The following RBFOX1 variants were observed in gnomAD, a reference collection of about 807,000 sequenced individuals.
The protein encoded by RBFOX1 is RNA binding protein fox-1 homolog 1.
Under a neutral mutation model 57.7 loss-of-function variants are expected in RBFOX1, and 8 were observed. The ratio of observed to expected loss-of-function variants is 0.14; its 90% CI spans 0.08 to 0.25. The LOEUF is 0.25. Ranked by LOEUF, RBFOX1 falls within the 10% of genes least tolerant of loss-of-function variation. The pLI, the probability that RBFOX1 is intolerant of heterozygous loss-of-function variation, is 1.00. For missense variants in RBFOX1, 611 were observed against 548.5 expected (o/e 1.11, Z -1.14); for synonymous variants, 326 against 222.4 (o/e 1.47, Z -4.15).
At chr16:6,904,087 G>A (rs980317591) in intron 3 of RBFOX1, among the ~76,000 whole-genome samples, 8 of 152,132 alleles carry the variant, frequency 5.3e-5, no homozygotes, top group Admixed American at 1.3e-4. Context: ...ACAGCAAGTC[G>A]GATGCTCTTA....
At chr16:7,069,707 T>C (rs2056923975) in intron 4 of RBFOX1, among the ~76,000 whole-genome samples, 1 of 152,110 alleles carries the variant, frequency 6.6e-6, no homozygotes, top group African/African-American at 2.4e-5. Flanking sequence ...CTAGAGTAAG[T>C]GGGGCAGCAT....
chr16:6,856,909 G>C (rs1424684093), intron 3 of RBFOX1, among the ~76,000 whole-genome samples: 2 of 151,956 alleles, frequency 1.3e-5, no homozygotes, highest in South Asian at 2.1e-4. Flanking sequence ...AAAGGGAAAA[G>C]AAAGAAAGAG....
chr16:7,550,208 C>T (rs990276659), intron 5 of RBFOX1, among the ~76,000 whole-genome samples: 1 of 151,936 alleles, frequency 6.6e-6, no homozygotes, highest in Non-Finnish European at 1.5e-5. Flanking sequence ...TGGAATGCCA[C>T]TATGCCCAGC....
intron 13 of RBFOX1, among the ~76,000 whole-genome samples, chr16:7,673,457 A>T (rs1273305753): frequency 2.6e-5 from 4 of 152,200 alleles, no homozygotes; most frequent in Non-Finnish European, 5.9e-5. Flanking sequence ...CTGTAATCCC[A>T]GCACTTTGGG....
chr16:6,741,159 T>G (rs1183855338), intron 3 of RBFOX1, among the ~76,000 whole-genome samples: 2 of 152,192 alleles, frequency 1.3e-5, no homozygotes, highest in Non-Finnish European at 2.9e-5. Flanking sequence ...AACAATTGGC[T>G]ATTTATAGGC....
chr16:5,404,416 C>G (rs554102255), intron 1 of RBFOX1, among the ~76,000 whole-genome samples: 24 of 152,246 alleles, frequency 1.6e-4, no homozygotes, highest in African/African-American at 5.8e-4. Context: ...TCTTTGATGT[C>G]TTCAAATCTG....
rs552257876 is a variant in RBFOX1, at chr16:5,906,876, A to G, written c.351+39541A>G. Among the ~76,000 whole-genome samples the G allele has an allele frequency of 1.2e-4, 18 of 151,812 alleles. No individual in the cohort carries two copies. In the South Asian group the frequency reaches 3.8e-3, roughly 32 times the overall value. ...CAACCTCCTGAGTAACTAGGATTAC[A>G]GGTGCCCACCACCATGCCTGGCTCA... is the stretch of plus-strand genomic sequence containing the variant. On this transcript the variant is annotated intron_variant, in intron 4 of 19. Coordinates refer to the RBFOX1 transcript ENST00000641259.
chr16:5,770,427 G>A (rs2053939220), intron 3 of RBFOX1, among the ~76,000 whole-genome samples: 1 of 152,150 alleles, frequency 6.6e-6, no homozygotes, highest in Non-Finnish European at 1.5e-5. Flanking sequence ...AAAAGGGGAG[G>A]AACCCTTGGT....
At chr16:5,737,650 T>A (rs2052626970) in intron 3 of RBFOX1, among the ~76,000 whole-genome samples, 1 of 151,740 alleles carries the variant, frequency 6.6e-6, no homozygotes, top group East Asian at 1.9e-4. Context: ...AAGTTTAGGG[T>A]GCTTGGGGTC....
At chr16:6,571,016 G>C (rs958621616) in intron 2 of RBFOX1, among the ~76,000 whole-genome samples, 3 of 152,132 alleles carry the variant, frequency 2.0e-5, no homozygotes, top group Non-Finnish European at 4.4e-5. Context: ...CTGTGGAACT[G>C]TTAAGGAGAA....
rs115588179 is a variant in RBFOX1, at chr16:6,942,065, C to G, written c.-15-109992C>G. 8.8e-3 allele frequency among the ~76,000 whole-genome samples: 1,342 copies of G among 152,170 alleles called. 29 individuals carry two copies. The highest frequency in any genetic ancestry group is 0.031 in the African/African-American group (1,270 of 41,500). On this transcript the variant is annotated intron_variant, in intron 3 of 15. Transcript: ENST00000550418. Reference sequence around the variant, plus strand: ...CCAAAATGGTGAAACCCCATCTTTACTAAAAATAATAATAATAATAAAAAT... The same window carrying G: ...CCAAAATGGTGAAACCCCATCTTTAGTAAAAATAATAATAATAATAAAAAT...
chr16:7,245,144 A>G (rs2094237937), intron 4 of RBFOX1, among the ~76,000 whole-genome samples: 1 of 152,134 alleles, frequency 6.6e-6, no homozygotes, highest in Non-Finnish European at 1.5e-5. Context: ...ATTTTTATTG[A>G]TAACATAGAA....
At chr16:5,936,920 C>T (rs757167632) in intron 4 of RBFOX1, among the ~76,000 whole-genome samples, 2 of 152,142 alleles carry the variant, frequency 1.3e-5, no homozygotes, top group African/African-American at 4.8e-5. Flanking sequence ...ACCTTCATCT[C>T]AAGGGACTGT....
At chr16:6,508,006 A>G (rs1048474969) in intron 2 of RBFOX1, among the ~76,000 whole-genome samples, 4 of 152,204 alleles carry the variant, frequency 2.6e-5, no homozygotes, top group Non-Finnish European at 4.4e-5. Context: ...AATGTGGTAC[A>G]TATACATGAT....
intron 1 of RBFOX1, among the ~76,000 whole-genome samples, chr16:6,246,533 T>G (rs1243005092): frequency 1.3e-5 from 2 of 151,834 alleles, no homozygotes; most frequent in South Asian, 4.2e-4. Flanking sequence ...GGAAGAAGAG[T>G]GTTACTATGA....
intron 3 of RBFOX1, among the ~76,000 whole-genome samples, chr16:6,987,933 C>T (rs1048368137): frequency 2.3e-4 from 35 of 152,000 alleles, no homozygotes; most frequent in African/African-American, 8.2e-4. Flanking sequence ...TGAGATCCCA[C>T]AGGAAACTTG....
At chr16:5,900,810 C>A (rs930714544) in intron 4 of RBFOX1, among the ~76,000 whole-genome samples, 1 of 152,166 alleles carries the variant, frequency 6.6e-6, no homozygotes. Flanking sequence ...TTCACAACCA[C>A]CGTCAAGACA....
chr16:6,015,916 A>G (rs1359473478), upstream of RBFOX1, among the ~76,000 whole-genome samples: 3 of 152,204 alleles, frequency 2.0e-5, no homozygotes, highest in Non-Finnish European at 4.4e-5. Context: ...TCTAGTTTAT[A>G]TACTAAATGG....
intron 1 of RBFOX1, among the ~76,000 whole-genome samples, chr16:5,320,603 A>G (rs2064375391): frequency 6.6e-6 from 1 of 152,248 alleles, no homozygotes; most frequent in African/African-American, 2.4e-5. Flanking sequence ...TTCAGAGAGA[A>G]GTTCTCCTAA....
Sources: allele counts gnomAD v4.1 joint callset (sites outside exome capture counted in the v4.1 genomes callset), GRCh38; gene constraint gnomAD v4.1.1; transcripts MANE v1.5; gene names NCBI Gene and HGNC (gene_info 2026-07-23, HGNC 2026-07-21).